TAS2R1: variants seen among roughly 807,000 people sequenced by gnomAD.
TAS2R1 encodes the protein taste 2 receptor member 1, also known as taste receptor type 2 member 1.
For missense variants in TAS2R1, 370 were observed against 353.4 expected, an observed-to-expected ratio of 1.05 and a Z score of -0.38; for synonymous variants, 141 against 134.2, an observed-to-expected ratio of 1.05 and a Z score of -0.35.
chr5:9,837,364 G>A, the TAS2R1 span, among the ~76,000 whole-genome samples: 2 of 152,204 alleles, frequency 1.3e-5, no homozygotes, highest in African/African-American at 2.4e-5. Flanking sequence ...AACTAGAAGA[G>A]AGGGTGAGCA....
In TAS2R1 at chr5:9,627,829, A is replaced by G. The variant is rs1032684452; in HGVS notation, c.*1304T>C. Reference sequence around the variant, plus strand: ...AGTGTGAAACCTGTGGGAAGTTGAGAGTACACTCAGAGCTTAGTTCCCATG... The same window carrying G: ...AGTGTGAAACCTGTGGGAAGTTGAGGGTACACTCAGAGCTTAGTTCCCATG... On this transcript the variant is annotated 3_prime_UTR_variant, in exon 1 of 1. Coordinates refer to ENST00000382492, the MANE Select transcript of TAS2R1 (RefSeq NM_019599.3). Among the ~76,000 whole-genome samples the G allele has an allele frequency of 2.6e-5, 4 of 152,172 alleles. No homozygotes were observed. Among genetic ancestry groups the G allele is most frequent in the Non-Finnish European group, 5.9e-5 (4 of 68,034 alleles).
chr5:9,777,879 T>G, the TAS2R1 span, among the ~76,000 whole-genome samples: 1 of 149,714 alleles, frequency 6.7e-6, no homozygotes, highest in Non-Finnish European at 1.5e-5. Context: ...GGCCAGGTGT[T>G]TTTTTTTTTT....
chr5:9,633,294 TTATATA>T (rs200096603), upstream of TAS2R1, among the ~76,000 whole-genome samples: 82 of 67,810 alleles, frequency 1.2e-3, 5 homozygotes, highest in African/African-American at 5.3e-3. Context: ...TGTGTGTATA[TTATATA>T]TATATATATA....
the TAS2R1 span, among the ~76,000 whole-genome samples, chr5:9,874,906 C>T: frequency 1.3e-5 from 2 of 152,120 alleles, no homozygotes; most frequent in African/African-American, 4.8e-5. Flanking sequence ...TAAACTTCCC[C>T]CAAAAGTAAT....
In TAS2R1 at chr5:9,671,341, G is replaced by A. The variant is rs190994690; in HGVS notation, c.-241-11760C>T. ...AAAAGCCATCCAAATAGGAAGAGAG[G>A]AAGTCAAACTATCTCTGTTGACAGA... On this transcript the variant is annotated intron_variant, in intron 1 of 2. Transcript: ENST00000506620. Among the ~76,000 whole-genome samples the A allele has an allele frequency of 1.9e-3, 283 of 152,232 alleles. 3 individuals carry two copies. The highest frequency in any genetic ancestry group is 0.014 in the Middle Eastern group (4 of 294).
upstream of TAS2R1, among the ~76,000 whole-genome samples, chr5:9,715,995 T>A (rs904841821): frequency 6.6e-6 from 1 of 152,210 alleles, no homozygotes; most frequent in South Asian, 2.1e-4. Flanking sequence ...TGACACATAC[T>A]CTTTTACTGC....
the TAS2R1 span, among the ~76,000 whole-genome samples, chr5:9,851,850 G>A: frequency 6.6e-6 from 1 of 152,190 alleles, no homozygotes; most frequent in African/African-American, 2.4e-5. Flanking sequence ...CACTAGGGGC[G>A]TCAAGTGCTT....
chr5:9,860,967 C>CT, the TAS2R1 span, among the ~76,000 whole-genome samples: 80 of 136,186 alleles, frequency 5.9e-4, no homozygotes, highest in South Asian at 9.6e-4. Flanking sequence ...AAGTAAGGGC[C>CT]TTTTTTTTTT....
chr5:9,685,817 C>T (rs372201222), intron 1 of TAS2R1, among the ~76,000 whole-genome samples: 43 of 152,284 alleles, frequency 2.8e-4, no homozygotes, highest in African/African-American at 8.2e-4. Context: ...TTAAATTATG[C>T]AGGAAAATCC....
the TAS2R1 span, among the ~76,000 whole-genome samples, chr5:9,830,581 G>A: frequency 0.061 from 9,060 of 147,798 alleles, 639 homozygotes; most frequent in East Asian, 0.23. Flanking sequence ...TGGTAGGTAG[G>A]TAGGTAGATA....
the TAS2R1 span, among the ~76,000 whole-genome samples, chr5:9,854,109 T>C: frequency 6.6e-6 from 1 of 152,186 alleles, no homozygotes; most frequent in South Asian, 2.1e-4. Flanking sequence ...CTTTGAAGAC[T>C]GTGAGGGAGA....
At chr5:9,724,897 A>C in the TAS2R1 span, among the ~76,000 whole-genome samples, 1 of 152,250 alleles carries the variant, frequency 6.6e-6, no homozygotes. Flanking sequence ...TGACTAAATC[A>C]GTCAATTCAG....
the TAS2R1 span, among the ~76,000 whole-genome samples, chr5:9,820,520 C>T: frequency 6.6e-6 from 1 of 152,036 alleles, no homozygotes; most frequent in Non-Finnish European, 1.5e-5. Context: ...AGTTGGTTAC[C>T]AAGATTATAT....
chr5:9,704,918 A>G (rs1561384183), intron 1 of TAS2R1, among the ~76,000 whole-genome samples: 1 of 150,834 alleles, frequency 6.6e-6, no homozygotes, highest in Non-Finnish European at 1.5e-5. Context: ...ACTTCTAGCA[A>G]TCTATCCAAC....
chr5:9,781,768 G>T, the TAS2R1 span, among the ~76,000 whole-genome samples: 1 of 152,148 alleles, frequency 6.6e-6, no homozygotes, highest in Non-Finnish European at 1.5e-5. Flanking sequence ...CCTACTTCAA[G>T]GAACTTGAAT....
At chr5:9,822,767 TAGAC>T in the TAS2R1 span, among the ~76,000 whole-genome samples, 5 of 152,200 alleles carry the variant, frequency 3.3e-5, no homozygotes, top group Non-Finnish European at 7.3e-5. Context: ...TATTCAGAGT[TAGAC>T]AGTATTCTAA....
At chr5:9,876,401 G>T in the TAS2R1 span, among the ~76,000 whole-genome samples, 1 of 152,066 alleles carries the variant, frequency 6.6e-6, no homozygotes, top group African/African-American at 2.4e-5. Context: ...GGAATTCCAG[G>T]TCTTTCTGCC....
chr5:9,774,336 CTTGAGTTCCA>C, the TAS2R1 span, among the ~76,000 whole-genome samples: 1 of 152,228 alleles, frequency 6.6e-6, no homozygotes, highest in Non-Finnish European at 1.5e-5. Context: ...GCTGTGTTAT[CTTGAGTTCCA>C]TTGAGTTTCC....
At chr5:9,633,289 G>GA (rs1739902873), upstream of TAS2R1, among the ~76,000 whole-genome samples, 1 of 61,532 alleles carries the variant, frequency 1.6e-5, no homozygotes, top group African/African-American at 7.2e-5. Flanking sequence ...GTGTGTGTGT[G>GA]TATATTATAT....
Sources: allele counts gnomAD v4.1 joint callset (sites outside exome capture counted in the v4.1 genomes callset), GRCh38; gene constraint gnomAD v4.1.1; transcripts MANE v1.5; gene names NCBI Gene and HGNC (gene_info 2026-07-23, HGNC 2026-07-21).